The following RTN3 variants were observed in gnomAD, a reference collection of about 807,000 sequenced individuals.
RTN3 encodes the protein reticulon 3.
RTN3 carries 49 observed loss-of-function variants against 77.8 expected under a neutral mutation model. That is an observed-to-expected ratio of 0.63 (90% confidence interval 0.50 to 0.80). RTN3 has a LOEUF of 0.80. Among genes scored for constraint, RTN3 ranks in the 30% least tolerant of loss-of-function variants. The pLI is 0.00. For missense variants in RTN3, 1,236 were observed against 1,211.9 expected (o/e 1.02, Z -0.29); for synonymous variants, 464 against 446.9 (o/e 1.04, Z -0.48).
intron 1 of RTN3, among the ~76,000 whole-genome samples, chr11:63,685,246 A>G (rs1328966340): frequency 6.6e-6 from 1 of 151,792 alleles, no homozygotes; most frequent in East Asian, 1.9e-4. Context: ...TGTAATCCCA[A>G]CACTTTGGGA....
At position 63,720,412 on chromosome 11, in the gene RTN3, C is replaced by A; in HGVS notation, c.1910C>A (p.Ser637Ter). The change falls in exon 3 of 9, where the codon TCA becomes TAA. Residue 637 changes from serine to a stop codon, truncating the protein, a stop_gained. Coordinates refer to ENST00000377819, the MANE Select transcript of RTN3 (RefSeq NM_001265589.2). LOFTEE classifies it high-confidence loss of function. The part of the protein sequence containing the change: ...LNVTTSAYLE[S>*]LHGKNVKHID... ...GTGACAACATCTGCCTATTTGGAGTCATTACATGGGAAAAATGTTAAACAT... is the reference window on the plus strand; with the variant it reads ...GTGACAACATCTGCCTATTTGGAGTAATTACATGGGAAAAATGTTAAACAT... 6.2e-7 allele frequency: 1 copy of A among 1,613,814 alleles called. No homozygotes were observed. The highest frequency in any genetic ancestry group is 1.1e-5 in the South Asian group (1 of 90,994).
chr11:63,686,470 C>CAAAAA (rs11364347), intron 1 of RTN3, among the ~76,000 whole-genome samples: 1 of 92,566 alleles, frequency 1.1e-5, no homozygotes, highest in Non-Finnish European at 2.2e-5. Context: ...GACTCCGTCT[C>CAAAAA]AAAAAAAAAA....
At chr11:63,735,834 C>T (rs1282313128) in intron 3 of RTN3, among the ~76,000 whole-genome samples, 1 of 152,040 alleles carries the variant, frequency 6.6e-6, no homozygotes, top group African/African-American at 2.4e-5. Context: ...CTCACCAATT[C>T]TAACATTTCT....
intron 2 of RTN3, among the ~76,000 whole-genome samples, chr11:63,712,750 G>A (rs1049187100): frequency 7.2e-5 from 11 of 152,100 alleles, no homozygotes; most frequent in African/African-American, 2.7e-4. Context: ...CCCCCAAAGT[G>A]CTGGGATTAC....
At chr11:63,724,693 A>C (rs1354815620) in intron 3 of RTN3, among the ~76,000 whole-genome samples, 1 of 151,582 alleles carries the variant, frequency 6.6e-6, no homozygotes, top group Admixed American at 6.6e-5. Flanking sequence ...GAGTTTCACT[A>C]TATTGGCCAG....
intron 3 of RTN3, among the ~76,000 whole-genome samples, chr11:63,743,887 G>A (rs2013634430): frequency 1.3e-5 from 2 of 152,122 alleles, no homozygotes; most frequent in African/African-American, 2.4e-5. Context: ...TTGCACTTCA[G>A]CGTGGGCAAC....
intron 2 of RTN3, among the ~76,000 whole-genome samples, chr11:63,717,743 G>T (rs753279072): frequency 6.6e-6 from 1 of 151,718 alleles, no homozygotes; most frequent in Non-Finnish European, 1.5e-5. Flanking sequence ...GCCAGGCGTA[G>T]CGGCTCACAC....
chr11:63,752,756 T>C (rs1349859916), intron 5 of RTN3, 111 bp downstream of exon 5: 1 of 1,151,922 alleles, frequency 8.7e-7, no homozygotes, highest in Non-Finnish European at 1.3e-6. Flanking sequence ...GAACGTATGC[T>C]TAGCTCAGTC....
chr11:63,747,347 C>T (rs1377713650), intron 3 of RTN3, among the ~76,000 whole-genome samples: 1 of 152,208 alleles, frequency 6.6e-6, no homozygotes, highest in Non-Finnish European at 1.5e-5. Flanking sequence ...CTCCTACTTA[C>T]AGGAATTCAC....
chr11:63,709,657 A>G (rs1942655155), intron 2 of RTN3, among the ~76,000 whole-genome samples: 1 of 151,890 alleles, frequency 6.6e-6, no homozygotes, highest in South Asian at 2.1e-4. Context: ...TTGGCTGCAG[A>G]ATGTCTGCTG....
intron 3 of RTN3, among the ~76,000 whole-genome samples, chr11:63,737,649 A>C (rs1188105421): frequency 6.6e-6 from 1 of 152,202 alleles, no homozygotes; most frequent in African/African-American, 2.4e-5. Context: ...TAGGTAACTA[A>C]GGTCAAAAGT....
In RTN3 at chr11:63,752,672, G is replaced by A. The variant is rs1477461465; in HGVS notation, c.2877+27G>A. 4.4e-6 allele frequency: 7 copies of A among 1,606,546 alleles called. No homozygotes were observed. In the South Asian group the frequency reaches 6.7e-5, roughly 15 times the overall value. On this transcript the variant is annotated intron_variant, in intron 5 of 8. Transcript: ENST00000377819. Reference sequence around the variant, plus strand: ...TTAGTTGTTTCTGCAGCTCTTGGTGGTAAAACAGAAAAAGCAGGGACTGGG... The same window carrying A: ...TTAGTTGTTTCTGCAGCTCTTGGTGATAAAACAGAAAAAGCAGGGACTGGG...
At chr11:63,724,649 G>A (rs547167110) in intron 3 of RTN3, among the ~76,000 whole-genome samples, 5 of 151,714 alleles carry the variant, frequency 3.3e-5, no homozygotes, top group East Asian at 1.9e-4. Flanking sequence ...CTGCCACCAC[G>A]CCCGGCTAAT....
Position 63,753,726 on chromosome 11 carries a change from C to G in RTN3, c.2994+18C>G. The G allele has an allele frequency of 6.2e-7, 1 of 1,608,658 alleles. No homozygotes were observed. The highest frequency in any genetic ancestry group is 1.1e-5 in the South Asian group (1 of 90,876). On this transcript the variant is annotated intron_variant, in intron 7 of 8. Coordinates refer to ENST00000377819, the MANE Select transcript of RTN3 (RefSeq NM_001265589.2). Reference sequence around the variant, plus strand: ...AGTACAAGGTAAGCATTTATCTGTTCCAAATCAAATGTGCCAGTTGATGTA... The same window carrying G: ...AGTACAAGGTAAGCATTTATCTGTTGCAAATCAAATGTGCCAGTTGATGTA...
At chr11:63,718,347 G>A (rs777923980) in intron 2 of RTN3, among the ~76,000 whole-genome samples, 1 of 152,076 alleles carries the variant, frequency 6.6e-6, no homozygotes, top group African/African-American at 2.4e-5. Flanking sequence ...TGCTTTTGTT[G>A]ATTAGCTCTA....
intron 3 of RTN3, among the ~76,000 whole-genome samples, chr11:63,724,076 T>C (rs2012026834): frequency 1.3e-5 from 2 of 151,990 alleles, no homozygotes; most frequent in African/African-American, 4.8e-5. Context: ...GCATATAGTT[T>C]GGTGAAGTAC....
chr11:63,730,494 T>C (rs531632429), intron 3 of RTN3, among the ~76,000 whole-genome samples: 3 of 152,276 alleles, frequency 2.0e-5, no homozygotes, highest in Non-Finnish European at 4.4e-5. Context: ...AAAGCAAAAA[T>C]TGACAGAATT....
At chr11:63,755,851 C>T (rs868849442) in intron 7 of RTN3, among the ~76,000 whole-genome samples, 7 of 143,312 alleles carry the variant, frequency 4.9e-5, no homozygotes, top group South Asian at 2.3e-4. Flanking sequence ...CCCAGCTACT[C>T]GGGAGGCTGA....
intron 3 of RTN3, among the ~76,000 whole-genome samples, chr11:63,733,941 CACAG>C (rs1478517570): frequency 5.3e-5 from 8 of 151,896 alleles, no homozygotes; most frequent in Non-Finnish European, 1.0e-4. Flanking sequence ...TGTATATACA[CACAG>C]ACACACATAT....
Sources: gnomAD v4.1 joint callset for allele counts (sites outside exome capture counted in the v4.1 genomes callset) on GRCh38, gnomAD v4.1.1 for gene constraint, MANE v1.5 for transcripts, NCBI Gene and HGNC (gene_info 2026-07-23, HGNC 2026-07-21) for gene names.